TEX2: variants seen among roughly 807,000 people sequenced by gnomAD.
The protein encoded by TEX2 is testis expressed 2.
TEX2 carries 53 observed loss-of-function variants against 106.9 expected under a neutral mutation model. That is an observed-to-expected ratio of 0.50 (90% CI 0.40 to 0.62). The LOEUF (loss-of-function observed/expected upper bound fraction) is 0.62, where lower values mean the gene tolerates loss of function less well. TEX2 is among the 20% of genes least tolerant of loss of function. The pLI is 0.00. For synonymous variants in TEX2, 523 were observed against 534.8 expected (o/e 0.98, Z 0.30); for missense variants, 1,207 against 1,379.0 (o/e 0.88, Z 1.98).
rs2030126883 is a variant in TEX2 at position 64,147,851 on chromosome 17, G to A, written c.*1118C>T. On this transcript the variant is annotated 3_prime_UTR_variant, in exon 12 of 12. Transcript: ENST00000584379. ...AAAAGTTACCCAAGGTAATTTTGAC[G>A]TTGAATGCAGCTTTAAACAATAAAA... 6.6e-6 allele frequency: 1 copy of A among 152,562 alleles called. No homozygotes were observed. Among genetic ancestry groups the A allele is most frequent in the Non-Finnish European group, 1.5e-5 (1 of 68,040 alleles). 9.5% of individuals were successfully genotyped at this position (152,562 alleles called of 1,614,324 possible).
At chr17:64,171,290 G>T in intron 6 of TEX2, 91 bp from the exon 7 acceptor site, 2 of 1,098,948 alleles carry the variant, frequency 1.8e-6, no homozygotes, top group Non-Finnish European at 2.7e-6. Flanking sequence ...GAGGATGGTG[G>T]CCAAGGTTTT....
At chr17:64,168,314 T>C (rs1341215761) in intron 7 of TEX2, among the ~76,000 whole-genome samples, 1 of 152,182 alleles carries the variant, frequency 6.6e-6, no homozygotes, top group Non-Finnish European at 1.5e-5. Context: ...CCTGATTTGA[T>C]CAAACTTTGA....
At chr17:64,211,566 T>C (rs974039477) in intron 2 of TEX2, among the ~76,000 whole-genome samples, 1 of 152,174 alleles carries the variant, frequency 6.6e-6, no homozygotes, top group African/African-American at 2.4e-5. Flanking sequence ...ATAATAACCA[T>C]TCACATTATG....
chr17:64,149,324 C>G (rs1002434380), intron 11 of TEX2: 4 of 477,946 alleles, frequency 8.4e-6, no homozygotes, highest in Non-Finnish European at 1.5e-5. Context: ...CAGAAGTGGC[C>G]TTTGATTTTG....
chr17:64,174,677 G>A (rs2031549954), intron 6 of TEX2, among the ~76,000 whole-genome samples: 1 of 152,206 alleles, frequency 6.6e-6, no homozygotes, highest in African/African-American at 2.4e-5. Context: ...TCAAGGGTAT[G>A]GGACGTTCTC....
chr17:64,236,325 G>A (rs1469752025), intron 1 of TEX2, among the ~76,000 whole-genome samples: 2 of 152,112 alleles, frequency 1.3e-5, no homozygotes, highest in East Asian at 1.9e-4. Context: ...CACTTTGGGA[G>A]GCTAAGGCAG....
intron 1 of TEX2, among the ~76,000 whole-genome samples, chr17:64,226,960 G>A (rs1224347271): frequency 6.6e-6 from 1 of 152,138 alleles, no homozygotes; most frequent in Non-Finnish European, 1.5e-5. Context: ...GGGCACGGGG[G>A]CTCACGCCTG....
intron 1 of TEX2, among the ~76,000 whole-genome samples, chr17:64,231,568 T>C (rs1173937218): frequency 6.6e-6 from 1 of 152,210 alleles, no homozygotes; most frequent in Non-Finnish European, 1.5e-5. Flanking sequence ...CTTGTTTCAG[T>C]ATTAAGCTTC....
At chr17:64,245,954 T>A (rs2033980186) in intron 1 of TEX2, among the ~76,000 whole-genome samples, 1 of 152,240 alleles carries the variant, frequency 6.6e-6, no homozygotes, top group African/African-American at 2.4e-5. Context: ...TACTTGCTCA[T>A]GAGATGGCTC....
At chr17:64,223,657 T>C (rs1341035109) in intron 1 of TEX2, among the ~76,000 whole-genome samples, 2 of 151,530 alleles carry the variant, frequency 1.3e-5, no homozygotes, top group African/African-American at 2.4e-5. Context: ...GCAAATTTCA[T>C]TGAAAATGGA....
At chr17:64,176,107 C>T (rs756381811) in intron 6 of TEX2, among the ~76,000 whole-genome samples, 1 of 152,178 alleles carries the variant, frequency 6.6e-6, no homozygotes, top group Non-Finnish European at 1.5e-5. Context: ...GGAACACAAA[C>T]AGGCTGACAC....
chr17:64,189,766 C>T (rs748283038), intron 4 of TEX2, among the ~76,000 whole-genome samples: 3 of 152,008 alleles, frequency 2.0e-5, no homozygotes, highest in Non-Finnish European at 4.4e-5. Flanking sequence ...TGAATCACTT[C>T]AGGTCAGGAG....
intron 5 of TEX2, among the ~76,000 whole-genome samples, chr17:64,178,908 C>T (rs1009438054): frequency 3.3e-5 from 5 of 152,232 alleles, no homozygotes; most frequent in African/African-American, 4.8e-5. Flanking sequence ...GTGGTGCACA[C>T]GTTGTTGCTT....
intron 6 of TEX2, among the ~76,000 whole-genome samples, chr17:64,175,460 GA>G (rs1200311579): frequency 6.6e-6 from 1 of 152,210 alleles, no homozygotes; most frequent in East Asian, 1.9e-4. Context: ...GGGAGAAAAT[GA>G]AAACAGACTT....
At chr17:64,234,285 GAAAC>G (rs2143340082) in intron 1 of TEX2, among the ~76,000 whole-genome samples, 1 of 152,312 alleles carries the variant, frequency 6.6e-6, no homozygotes, top group Admixed American at 6.5e-5. Context: ...ACATTTCAAA[GAAAC>G]AAACGCTGTA....
At chr17:64,216,972 C>T (rs1269208307) in intron 1 of TEX2, among the ~76,000 whole-genome samples, 3 of 152,174 alleles carry the variant, frequency 2.0e-5, no homozygotes, top group African/African-American at 7.2e-5. Flanking sequence ...TAAATGCCCC[C>T]AAACCCACAC....
At position 64,193,883 on chromosome 17, in the gene TEX2, G is replaced by C; in HGVS notation, c.1852C>G (p.Leu618Val). The change falls in exon 4 of 12, where the codon CTT (leucine) becomes GTT (valine). Residue 618 changes from leucine (L) to valine (V), a missense_variant. Leu to Val is a conservative substitution (Grantham distance 32). This residue lies in a region of TEX2 where 1,067 missense variants were observed against 1,193.6 expected (regional missense o/e 0.89). Transcript: ENST00000584379. ...TTTCGAGCCAAAGTTTTAGGTACAA[G>C]ATAAATCTACAGAGAAAGAAAAATG... is the stretch of plus-strand genomic sequence containing the variant. Reference protein sequence around the residue: ...IYDLSDSKIYLVPKTLARKRI... With the variant: ...IYDLSDSKIYVVPKTLARKRI... 1 of 1,534,304 alleles carries C rather than the reference G, an allele frequency of 6.5e-7. No individual in the cohort carries two copies. Among genetic ancestry groups the C allele is most frequent in the Non-Finnish European group, 8.8e-7 (1 of 1,136,598 alleles).
chr17:64,177,302 G>T, intron 6 of TEX2, 23 bp downstream of exon 6: 3 of 1,613,174 alleles, frequency 1.9e-6, no homozygotes, highest in Non-Finnish European at 2.5e-6. Context: ...AGGATTAGAA[G>T]CCTCTTGTGT....
rs2032813350 is a variant in TEX2, at chr17:64,205,889, G to C, written c.1644+6685C>G. On this transcript the variant is annotated intron_variant, in intron 2 of 11. Coordinates refer to ENST00000584379, the MANE Select transcript of TEX2 (RefSeq NM_001288732.2). This position sits in a 1 kb window ranked among gnomAD's most constrained non-coding sequence, Gnocchi z 4.0. ...TCACTCTGGAAACCAATATGCTACT[G>C]CTGTGTTCTGCTGGTGGTTTATAAA... Among the ~76,000 whole-genome samples, 1 of 152,130 alleles carries C rather than the reference G, an allele frequency of 6.6e-6. No homozygotes were observed. The highest frequency in any genetic ancestry group is 1.5e-5 in the Non-Finnish European group (1 of 68,036).
Sources: gnomAD v4.1 joint callset for allele counts (sites outside exome capture counted in the v4.1 genomes callset) on GRCh38, gnomAD v4.1.1 for gene constraint, gnomAD v4.1.1 regional missense constraint, Gnocchi (gnomAD v3.1) non-coding constraint, MANE v1.5 for transcripts, NCBI Gene and HGNC (gene_info 2026-07-23, HGNC 2026-07-21) for gene names.